Variants in PPP2R2B observed in about 807,000 individuals in gnomAD.
PPP2R2B encodes the protein protein phosphatase 2 regulatory subunit Bbeta.
A neutral mutation model predicts 46.0 loss-of-function variants in PPP2R2B; 5 were observed. The observed-to-expected ratio is 0.11, with a 90% CI of 0.06 to 0.23. The LOEUF is 0.23. Among genes scored for constraint, PPP2R2B ranks in the 10% least tolerant of loss-of-function variants. PPP2R2B has a pLI of 1.00. For synonymous variants in PPP2R2B, 215 were observed against 206.7 expected (o/e 1.04, Z -0.34); for missense variants, 367 against 575.0 (o/e 0.64, Z 3.70).
At position 146,914,885 on chromosome 5, in the gene PPP2R2B, G is replaced by A. The variant is rs77414756; in HGVS notation, c.79+140780C>T. On this transcript the variant is annotated intron_variant, in intron 1 of 8. Coordinates refer to the PPP2R2B transcript ENST00000336640. Reference sequence around the variant, plus strand: ...CTTAAAGTCTTTCTCTAGCTCAAATGTATCTCCCCTACTAGTCCTCCACTT... The same window carrying A: ...CTTAAAGTCTTTCTCTAGCTCAAATATATCTCCCCTACTAGTCCTCCACTT... Among the ~76,000 whole-genome samples the A allele has an allele frequency of 5.6e-3, 860 of 152,228 alleles. 29 individuals are homozygous for A. In the East Asian group the frequency reaches 0.067, roughly 12 times the overall value.
intron 5 of PPP2R2B, among the ~76,000 whole-genome samples, chr5:146,662,035 T>C (rs1217289828): frequency 6.6e-6 from 1 of 152,208 alleles, no homozygotes; most frequent in African/African-American, 2.4e-5. Context: ...GTTTTTTAAC[T>C]GTTATTGATG....
At chr5:146,642,206 G>A (rs566266055) in intron 6 of PPP2R2B, among the ~76,000 whole-genome samples, 10 of 152,320 alleles carry the variant, frequency 6.6e-5, no homozygotes, top group African/African-American at 1.7e-4. Context: ...TGAGGGCACC[G>A]CTGTGCCAGG....
At chr5:147,080,571 G>A (rs1013698099) in intron 2 of PPP2R2B, among the ~76,000 whole-genome samples, 1 of 152,156 alleles carries the variant, frequency 6.6e-6, no homozygotes, top group African/African-American at 2.4e-5. Context: ...AAGGGCCCTG[G>A]AATAGGAAAG....
At chr5:147,075,007 G>C (rs1283831345) in intron 2 of PPP2R2B, among the ~76,000 whole-genome samples, 1 of 152,126 alleles carries the variant, frequency 6.6e-6, no homozygotes, top group Non-Finnish European at 1.5e-5. Flanking sequence ...AACAAACAAA[G>C]CACCCTAGAA....
intron 2 of PPP2R2B, among the ~76,000 whole-genome samples, chr5:146,800,353 A>G (rs1756786711): frequency 6.6e-6 from 1 of 152,094 alleles, no homozygotes; most frequent in South Asian, 2.1e-4. Context: ...GGGTACTGGT[A>G]CCAGAATGGC....
intron 2 of PPP2R2B, among the ~76,000 whole-genome samples, chr5:146,812,962 G>C (rs1238457368): frequency 6.7e-6 from 1 of 148,864 alleles, no homozygotes; most frequent in Non-Finnish European, 1.5e-5. Flanking sequence ...AGGGAATTAT[G>C]GGAGCTACAA....
chr5:146,868,676 T>TCC (rs765822555), intron 2 of PPP2R2B, among the ~76,000 whole-genome samples: 10 of 152,142 alleles, frequency 6.6e-5, no homozygotes, highest in Non-Finnish European at 1.3e-4. Context: ...CCTTTCCATT[T>TCC]CCCCCCAGTT....
chr5:147,076,855 A>T (rs887636617), intron 2 of PPP2R2B, among the ~76,000 whole-genome samples: 8 of 151,988 alleles, frequency 5.3e-5, no homozygotes, highest in African/African-American at 1.7e-4. Flanking sequence ...ACTTTCTGAG[A>T]CAGTACCCTG....
chr5:146,960,543 C>T (rs546392182), intron 1 of PPP2R2B, among the ~76,000 whole-genome samples: 175 of 152,242 alleles, frequency 1.1e-3, no homozygotes, highest in Non-Finnish European at 2.2e-3. Context: ...CCGCCTCAGC[C>T]TCCCAAAGTG....
intron 3 of PPP2R2B, among the ~76,000 whole-genome samples, chr5:146,699,149 G>T (rs548331334): frequency 1.3e-3 from 197 of 152,206 alleles, no homozygotes; most frequent in African/African-American, 4.6e-3. Context: ...TAATAAAAGG[G>T]TTAATTTCCA....
At chr5:146,635,636 A>G (rs1774765536) in intron 7 of PPP2R2B, among the ~76,000 whole-genome samples, 1 of 152,044 alleles carries the variant, frequency 6.6e-6, no homozygotes, top group Admixed American at 6.6e-5. Context: ...TTCTGCCTTC[A>G]CTCACTAGAG....
At chr5:146,803,994 C>CG (rs1192899177) in intron 2 of PPP2R2B, among the ~76,000 whole-genome samples, 1 of 151,878 alleles carries the variant, frequency 6.6e-6, no homozygotes. Context: ...GGTGAAACCC[C>CG]GTCTCTACTA....
chr5:146,584,689 T>C lies in PPP2R2B; in HGVS notation c.*5258A>G, dbSNP rs1230123201. The C allele has an allele frequency of 6.6e-6, 1 of 152,246 alleles. No homozygotes were observed. The highest frequency in any genetic ancestry group is 2.4e-5 in the African/African-American group (1 of 41,470). 9.4% of individuals were successfully genotyped at this position (152,246 alleles called of 1,614,324 possible). On this transcript the variant is annotated 3_prime_UTR_variant, in exon 10 of 10. Transcript: ENST00000394411. The stretch of plus-strand genomic sequence containing the variant: ...AACTACTCAGGAAATATTGGTTTCC[T>C]TTTATTCTTTCCGTCTACTTTACAC...
At chr5:147,079,471 C>CAT (rs1757908251) in intron 2 of PPP2R2B, among the ~76,000 whole-genome samples, 2 of 71,326 alleles carry the variant, frequency 2.8e-5, no homozygotes, top group African/African-American at 4.1e-5. Context: ...TATATATATA[C>CAT]ATGTGCAATG....
intron 1 of PPP2R2B, among the ~76,000 whole-genome samples, chr5:146,900,590 CCT>C (rs1472578477): frequency 1.2e-4 from 18 of 147,522 alleles, no homozygotes; most frequent in African/African-American, 3.8e-4. Flanking sequence ...TTCCTTCCTT[CCT>C]TCTTTCCTTC....
intron 2 of PPP2R2B, among the ~76,000 whole-genome samples, chr5:146,778,064 T>C (rs1050877699): frequency 6.6e-6 from 1 of 152,180 alleles, no homozygotes; most frequent in African/African-American, 2.4e-5. Flanking sequence ...CTATGAGAAT[T>C]GTGTACAACT....
chr5:146,781,174 A>ATATATATATATG (rs1755503648), intron 2 of PPP2R2B, among the ~76,000 whole-genome samples: 2 of 123,454 alleles, frequency 1.6e-5, no homozygotes, highest in Non-Finnish European at 3.4e-5. Flanking sequence ...ATATATATAT[A>ATATATATATATG]TAAAATTATT....
intron 2 of PPP2R2B, among the ~76,000 whole-genome samples, chr5:147,064,368 A>G (rs866103887): frequency 6.6e-6 from 1 of 152,088 alleles, no homozygotes; most frequent in Non-Finnish European, 1.5e-5. Context: ...GCTCTACCCA[A>G]TAGAGGCCAG....
At chr5:146,874,567 A>T (rs1056410921) in intron 2 of PPP2R2B, among the ~76,000 whole-genome samples, 4 of 152,178 alleles carry the variant, frequency 2.6e-5, no homozygotes, top group African/African-American at 4.8e-5. Context: ...CATAGGTTCT[A>T]TTGTTATTCC....
Sources: allele counts gnomAD v4.1 joint callset (sites outside exome capture counted in the v4.1 genomes callset), GRCh38; gene constraint gnomAD v4.1.1; transcripts MANE v1.5; gene names NCBI Gene and HGNC (gene_info 2026-07-23, HGNC 2026-07-21).